Variants in MAP4K3 observed in about 807,000 individuals in gnomAD.
MAP4K3 encodes the protein MAPK/ERK kinase kinase kinase 3.
MAP4K3 carries 94 observed loss-of-function variants against 143.5 expected under a neutral mutation model. The ratio of observed to expected loss-of-function variants is 0.65; its 90% CI spans 0.55 to 0.78. The LOEUF (loss-of-function observed/expected upper bound fraction) is 0.78, where lower values mean the gene tolerates loss of function less well. MAP4K3 is among the 30% of genes least tolerant of loss of function. The pLI, the probability that MAP4K3 is intolerant of heterozygous loss-of-function variation, is 0.00. For missense variants in MAP4K3, 1,077 were observed against 1,068.1 expected, an observed-to-expected ratio of 1.01 and a Z score of -0.12; for synonymous variants, 416 against 347.2, an observed-to-expected ratio of 1.20 and a Z score of -2.20.
Position 39,258,545 on chromosome 2 carries a change from C to G in MAP4K3, c.2351G>C (p.Arg784Thr). The G allele has an allele frequency of 1.2e-6, 2 of 1,613,796 alleles. No individual in the cohort carries two copies. Among genetic ancestry groups the G allele is most frequent in the Non-Finnish European group, 1.7e-6 (2 of 1,179,710 alleles). Residue 784 changes from arginine (R) to threonine (T), a missense_variant, in exon 30 of 34, where the codon AGA (arginine) becomes ACA (threonine). Around this residue, in one of 2 missense-constraint regions of MAP4K3, gnomAD observed 864 missense variants for 801.2 expected, o/e 1.08. Transcript: ENST00000263881. ...GTCCAAGCATACAAGGATGGTATCTCTCTCCAGTTGGGTTACATGAGTAAC... is the reference window on the plus strand; with the variant it reads ...GTCCAAGCATACAAGGATGGTATCTGTCTCCAGTTGGGTTACATGAGTAAC... ...TNVTHVTQLE[R>T]DTILVCLDCC...
intron 24 of MAP4K3, among the ~76,000 whole-genome samples, chr2:39,276,729 C>G (rs1282842419): frequency 6.6e-6 from 1 of 152,234 alleles, no homozygotes; most frequent in Non-Finnish European, 1.5e-5. Flanking sequence ...CTATTAATAG[C>G]ATCACCATTA....
intron 1 of MAP4K3, among the ~76,000 whole-genome samples, chr2:39,412,383 A>C (rs149298060): frequency 2.0e-5 from 3 of 152,332 alleles, no homozygotes; most frequent in Non-Finnish European, 4.4e-5. Flanking sequence ...ATTACACTAG[A>C]AGCTGGAGAT....
chr2:39,361,793 G>A (rs1665778843), intron 2 of MAP4K3, among the ~76,000 whole-genome samples: 1 of 151,662 alleles, frequency 6.6e-6, no homozygotes, highest in Non-Finnish European at 1.5e-5. Flanking sequence ...TTAAATAGCT[G>A]TTTGATACTG....
intron 1 of MAP4K3, among the ~76,000 whole-genome samples, chr2:39,435,778 T>C (rs184097023): frequency 4.8e-4 from 73 of 152,336 alleles, no homozygotes; most frequent in African/African-American, 1.7e-3. Flanking sequence ...AATATATCTA[T>C]ATTGCATAGT....
intron 1 of MAP4K3, among the ~76,000 whole-genome samples, chr2:39,393,315 T>C (rs745729627): frequency 6.6e-6 from 1 of 152,194 alleles, no homozygotes; most frequent in Non-Finnish European, 1.5e-5. Flanking sequence ...AAGTACATTA[T>C]AAAAACACAA....
At chr2:39,351,919 C>T (rs1665471120) in intron 3 of MAP4K3, among the ~76,000 whole-genome samples, 1 of 152,204 alleles carries the variant, frequency 6.6e-6, no homozygotes, top group African/African-American at 2.4e-5. Context: ...GATCCACCTG[C>T]CTCAGCCTCC....
chr2:39,339,726 T>C (rs1363882284), intron 4 of MAP4K3, among the ~76,000 whole-genome samples: 2 of 152,076 alleles, frequency 1.3e-5, no homozygotes, highest in Non-Finnish European at 2.9e-5. Flanking sequence ...CTCTTAGAAT[T>C]TGTCACCATA....
intron 2 of MAP4K3, among the ~76,000 whole-genome samples, chr2:39,370,100 G>A (rs1223877742): frequency 1.3e-5 from 2 of 152,152 alleles, no homozygotes; most frequent in African/African-American, 4.8e-5. Context: ...ATAAACAGAG[G>A]ACTGAGAATA....
intron 4 of MAP4K3, 105 bp downstream of exon 4, chr2:39,343,283 A>G: frequency 1.3e-6 from 1 of 746,114 alleles, no homozygotes; most frequent in Non-Finnish European, 2.2e-6. Flanking sequence ...TAACAATAAA[A>G]CATAGCTTGC....
intron 3 of MAP4K3, among the ~76,000 whole-genome samples, chr2:39,355,045 T>G (rs978012789): frequency 1.3e-5 from 2 of 152,036 alleles, no homozygotes; most frequent in African/African-American, 4.8e-5. Flanking sequence ...CTGGGCAACA[T>G]AGTGAGATCC....
chr2:39,311,546 T>C (rs1052765500), intron 13 of MAP4K3, among the ~76,000 whole-genome samples: 6 of 152,236 alleles, frequency 3.9e-5, no homozygotes, highest in South Asian at 2.1e-4. Flanking sequence ...GAGCAGAAGT[T>C]AACTGTATAT....
At chr2:39,408,163 A>T (rs1033505708) in intron 1 of MAP4K3, among the ~76,000 whole-genome samples, 1 of 152,234 alleles carries the variant, frequency 6.6e-6, no homozygotes, top group African/African-American at 2.4e-5. Context: ...TCTAGATAAC[A>T]AAACCCTTTT....
At chr2:39,426,484 G>C (rs1190573986) in intron 1 of MAP4K3, among the ~76,000 whole-genome samples, 1 of 151,818 alleles carries the variant, frequency 6.6e-6, no homozygotes, top group East Asian at 1.9e-4. Context: ...TGCAGTTTAA[G>C]TAAATGTCTT....
intron 1 of MAP4K3, among the ~76,000 whole-genome samples, chr2:39,410,388 T>A (rs1667204033): frequency 1.3e-5 from 2 of 152,214 alleles, no homozygotes; most frequent in South Asian, 4.1e-4. Flanking sequence ...ATTAGAGCAA[T>A]AAAATCATAA....
chr2:39,353,027 G>A (rs1048182187), intron 3 of MAP4K3, among the ~76,000 whole-genome samples: 4 of 152,118 alleles, frequency 2.6e-5, no homozygotes, highest in Admixed American at 6.5e-5. Flanking sequence ...AAGAAATCAC[G>A]TTCCCTCTGA....
intron 8 of MAP4K3, among the ~76,000 whole-genome samples, chr2:39,326,754 T>A (rs1245074725): frequency 6.6e-6 from 1 of 152,146 alleles, no homozygotes; most frequent in African/African-American, 2.4e-5. Flanking sequence ...GATTGGATCA[T>A]TGGGTCAGTT....
intron 6 of MAP4K3, 28 bp downstream of exon 6, chr2:39,336,892 G>A (rs752475421): frequency 2.1e-6 from 2 of 964,872 alleles, no homozygotes; most frequent in Admixed American, 2.9e-5. Context: ...TGAAGAGAGG[G>A]TTATTATGTT....
chr2:39,406,513 C>G (rs1667096240), intron 1 of MAP4K3, among the ~76,000 whole-genome samples: 1 of 152,166 alleles, frequency 6.6e-6, no homozygotes, highest in African/African-American at 2.4e-5. Context: ...CACTGGAGAT[C>G]TAATACATCT....
At chr2:39,328,728 A>G (rs1683584012) in intron 8 of MAP4K3, among the ~76,000 whole-genome samples, 1 of 152,196 alleles carries the variant, frequency 6.6e-6, no homozygotes, top group Non-Finnish European at 1.5e-5. Context: ...TTATGCCTCA[A>G]TAAACCTGAC....
Sources: allele counts gnomAD v4.1 joint callset (sites outside exome capture counted in the v4.1 genomes callset), GRCh38; gene constraint gnomAD v4.1.1; regional missense constraint gnomAD v4.1.1; transcripts MANE v1.5; gene names NCBI Gene and HGNC (gene_info 2026-07-23, HGNC 2026-07-21).